Variants in CC2D1B observed in about 807,000 individuals in gnomAD.
CC2D1B encodes coiled-coil and C2 domain containing 1B.
A neutral mutation model predicts 110.8 loss-of-function variants in CC2D1B; 92 were observed. The ratio of observed to expected loss-of-function variants is 0.83; its 90% CI spans 0.70 to 0.99. The LOEUF is 0.99. Ranked by LOEUF, CC2D1B falls within the 50% of genes least tolerant of loss-of-function variation. CC2D1B has a pLI of 0.00. For synonymous variants in CC2D1B, 406 were observed against 429.2 expected (o/e 0.95, Z 0.67); for missense variants, 1,136 against 1,089.0 (o/e 1.04, Z -0.61).
Position 52,353,199 on chromosome 1 carries a change from C to G in CC2D1B, c.*26G>C. On this transcript the variant is annotated 3_prime_UTR_variant, in exon 25 of 25. Coordinates refer to ENST00000284376, the MANE Select transcript of CC2D1B (RefSeq NM_001330585.2). ...CATCTCCTGCACAGTCGCGGCCTGA[C>G]TCCTCTCCTGGTGCTGGCCATCGGC... 7.5e-7 allele frequency: 1 copy of G among 1,341,570 alleles called. No individual in the cohort carries two copies. Among genetic ancestry groups the G allele is most frequent in the Non-Finnish European group, 9.9e-7 (1 of 1,013,958 alleles). 83.1% of individuals were successfully genotyped at this position (1,341,570 alleles called of 1,614,324 possible).
In CC2D1B at chr1:52,352,516, G is replaced by A. The variant is rs7513934; in HGVS notation, c.*709C>T. The A allele has an allele frequency of 0.57, 87,494 of 152,462 alleles. 27,913 individuals carry two copies. Among genetic ancestry groups the A allele is most frequent in the African/African-American group, 0.85 (35,408 of 41,512 alleles). 9.4% of individuals were successfully genotyped at this position (152,462 alleles called of 1,614,324 possible). The stretch of plus-strand genomic sequence containing the variant: ...ACAATGAGTTAGACTTAGTTTCCTA[G>A]ATAAATAAACGTGTCTACATAAAAT... On this transcript the variant is annotated 3_prime_UTR_variant, in exon 25 of 25. Coordinates refer to ENST00000284376, the MANE Select transcript of CC2D1B (RefSeq NM_001330585.2).
At chr1:52,356,847 G>A (rs531537289) in intron 16 of CC2D1B, 154 bp downstream of exon 16, 1 of 832,904 alleles carries the variant, frequency 1.2e-6, no homozygotes, top group Admixed American at 3.0e-5. Context: ...GGAAAATGTA[G>A]TTCAGAGAAG....
chr1:52,351,038 T>A lies in CC2D1B; in HGVS notation c.*2187A>T, dbSNP rs1026221063. 6.6e-6 allele frequency: 1 copy of A among 152,238 alleles called. No homozygotes were observed. The highest frequency in any genetic ancestry group is 1.5e-5 in the Non-Finnish European group (1 of 68,060). The allele number at this position is 152,238 out of a possible 1,614,324, so 9.4% of individuals were successfully genotyped here. On this transcript the variant is annotated 3_prime_UTR_variant, in exon 25 of 25. Coordinates refer to ENST00000284376, the MANE Select transcript of CC2D1B (RefSeq NM_001330585.2). ...GTGGGATTACAGGCGTGAGCCACTG[T>A]GTCCCGCCTGTTTCCTGTATGTGGA...
chr1:52,356,927 G>T, intron 16 of CC2D1B, 74 bp downstream of exon 16: 1 of 1,484,346 alleles, frequency 6.7e-7, no homozygotes, highest in Non-Finnish European at 9.0e-7. Context: ...GGGCTGTGTG[G>T]TCTGAGCTCC....
chr1:52,355,319 G>T, intron 21 of CC2D1B, 79 bp downstream of exon 21: 1 of 1,465,652 alleles, frequency 6.8e-7, no homozygotes, highest in Non-Finnish European at 9.5e-7. Context: ...TAAGGGCATA[G>T]ATGGGAACCC....
chr1:52,357,206 C>T lies in CC2D1B; in HGVS notation c.1753-80G>A. On this transcript the variant is annotated intron_variant, in intron 15 of 24. Coordinates refer to ENST00000284376, the MANE Select transcript of CC2D1B (RefSeq NM_001330585.2). The stretch of plus-strand genomic sequence containing the variant: ...AGTCCAACAAAGGCAGGAGCCCAAA[C>T]TAAGTAATTCTTCAGCTTCTACTAA... The T allele has an allele frequency of 4.6e-6, 7 of 1,513,814 alleles. No individual in the cohort carries two copies. The South Asian group carries it at 7.1e-5, about 15-fold the overall frequency. The allele number at this position is 1,513,814 out of a possible 1,614,324, so 93.8% of individuals were successfully genotyped here. A position where few individuals can be genotyped will look rare whatever the true frequency, so the allele number is the denominator to read the frequency against.
At chr1:52,363,394 C>CA (rs60279244) in intron 2 of CC2D1B, among the ~76,000 whole-genome samples, 1,271 of 55,758 alleles carry the variant, frequency 0.023, 17 homozygotes, top group South Asian at 0.077. Context: ...GACTCCGTCT[C>CA]AAAAAAAAAA....
chr1:52,356,166 G>A lies in CC2D1B; in HGVS notation c.2054+20C>T. 1 of 1,539,808 alleles carries A rather than the reference G, an allele frequency of 6.5e-7. No homozygotes were observed. Among genetic ancestry groups the A allele is most frequent in the South Asian group, 1.1e-5 (1 of 89,964 alleles). ...CTGCCCCTCCCTGCCTGGAGCCCCT[G>A]TTTCCCTAGGCCTTGGTACCTCACA... is the stretch of plus-strand genomic sequence containing the variant. On this transcript the variant is annotated intron_variant, in intron 18 of 24. Coordinates refer to ENST00000284376, the MANE Select transcript of CC2D1B (RefSeq NM_001330585.2).
At chr1:52,360,625 C>T in intron 5 of CC2D1B, 76 bp from the exon 6 acceptor site, 23 of 1,548,976 alleles carry the variant, frequency 1.5e-5, no homozygotes, top group Non-Finnish European at 2.0e-5. Context: ...CGGAAGCTGC[C>T]CTAGAAGATG....
At chr1:52,356,716 A>T in intron 16 of CC2D1B, 1 of 600,516 alleles carries the variant, frequency 1.7e-6, no homozygotes, top group Non-Finnish European at 2.9e-6. Flanking sequence ...GCCTTTCCAG[A>T]ACAGGTGGCA....
rs1197701772 is a variant in CC2D1B at position 52,353,093 on chromosome 1, C to A, written c.*132G>T. On this transcript the variant is annotated 3_prime_UTR_variant, in exon 25 of 25. Coordinates refer to ENST00000284376, the MANE Select transcript of CC2D1B (RefSeq NM_001330585.2). ...GACCAGAGTCGTGGTCAGTAGTGCA[C>A]ATGCTTAACAGGTCTTTGGTGCTTG... 1 of 923,166 alleles carries A rather than the reference C, an allele frequency of 1.1e-6. No homozygotes were observed. Among genetic ancestry groups the A allele is most frequent in the Admixed American group, 2.4e-5 (1 of 42,518 alleles). 57.2% of individuals were successfully genotyped at this position (923,166 alleles called of 1,614,324 possible). A position where few individuals can be genotyped will look rare whatever the true frequency, so the allele number is the denominator to read the frequency against.
Position 52,358,374 on chromosome 1 carries a change from G to A in CC2D1B, c.1418C>T (p.Ala473Val), listed in dbSNP as rs560672859. 8 of 1,614,118 alleles carry A rather than the reference G, an allele frequency of 5.0e-6. No individual in the cohort carries two copies. In the South Asian group the frequency reaches 8.8e-5, roughly 18 times the overall value. The change falls in exon 13 of 25, where the codon GCC becomes GTC. Residue 473 changes from alanine to valine, a missense_variant. Transcript: ENST00000284376. ...AGCCGGGGCTGAATCCTCTGCAGAG[G>A]CCAGTTTCTCTGCAGCTGCCAATGT... ...AATLAAAEKL[A>V]SAEDSAPADK...
chr1:52,358,984 G>A, intron 11 of CC2D1B, 43 bp downstream of exon 11: 1 of 1,594,602 alleles, frequency 6.3e-7, no homozygotes, highest in South Asian at 1.1e-5. Context: ...CCCAGCCAGG[G>A]AAGAGGCCAG....
Position 52,357,130 on chromosome 1 carries a change from C to G in CC2D1B, c.1753-4G>C, listed in dbSNP as rs1181395608. The G allele has an allele frequency of 1.2e-6, 2 of 1,613,934 alleles. No individual in the cohort carries two copies. Among genetic ancestry groups the G allele is most frequent in the Non-Finnish European group, 1.7e-6 (2 of 1,179,930 alleles). ...CATCCGTCAAGGGCGAAGGCACCTACCCAGGTCACAAGGCCCCTCGGGCCC... is the reference window on the plus strand; with the variant it reads ...CATCCGTCAAGGGCGAAGGCACCTAGCCAGGTCACAAGGCCCCTCGGGCCC... On this transcript the variant is annotated splice_region_variant and splice_polypyrimidine_tract_variant and intron_variant, in intron 15 of 24. Transcript: ENST00000284376.
intron 16 of CC2D1B, 59 bp from the exon 17 acceptor site, chr1:52,356,501 A>T (rs1646655940): frequency 6.3e-7 from 1 of 1,585,584 alleles, no homozygotes; most frequent in African/African-American, 1.3e-5. Context: ...CTTGGTTGGC[A>T]TTCAAGGCTA....
intron 21 of CC2D1B, 49 bp downstream of exon 21, chr1:52,355,349 T>C: frequency 6.3e-7 from 1 of 1,589,064 alleles, no homozygotes; most frequent in South Asian, 1.1e-5. Flanking sequence ...ACACCAGTGC[T>C]GCCCACACAC....
At chr1:52,364,456 C>A (rs1468335028) in intron 2 of CC2D1B, 96 bp downstream of exon 2, 1 of 707,260 alleles carries the variant, frequency 1.4e-6, no homozygotes, top group Non-Finnish European at 2.3e-6. Context: ...AGTCTCTGAA[C>A]TAATGGGGGA....
Position 52,361,545 on chromosome 1 carries a change from C to G in CC2D1B, c.286G>C (p.Glu96Gln), listed in dbSNP as rs1646782735. ...TCTGCATCTTCCTCCAGCCCTTCCT[C>G]CTCCTCCTCCTCCTCCACATCCCGC... Reference protein sequence around the residue: ...CMRDVEEEEEEEGLEEDAELL... With the variant: ...CMRDVEEEEEQEGLEEDAELL... The change falls in exon 4 of 25, where the codon GAG becomes CAG. Residue 96 changes from glutamate (E) to glutamine (Q), a missense_variant. Physicochemically the swap from Glu to Gln is conservative, Grantham distance 29. Coordinates refer to ENST00000284376, the MANE Select transcript of CC2D1B (RefSeq NM_001330585.2). The G allele has an allele frequency of 5.0e-6, 8 of 1,588,050 alleles. No individual in the cohort carries two copies. Among genetic ancestry groups the G allele is most frequent in the Non-Finnish European group, 6.0e-6 (7 of 1,159,440 alleles).
chr1:52,360,438 C>A lies in CC2D1B; in HGVS notation c.589G>T (p.Glu197Ter). ...AGEAAKARRC[E>*]RGLKTLESQL... ...GCCCGACTCACCTTCAGGCCGCGCT[C>A]GCAGCGCCTGGCTTTGGCTGCTTCG... The change falls in exon 6 of 25, where the codon GAG (glutamate) becomes TAG (stop). Residue 197 changes from glutamate to a stop codon, truncating the protein, a stop_gained. Transcript: ENST00000284376. LOFTEE classifies it high-confidence loss of function. 1 of 1,613,694 alleles carries A rather than the reference C, an allele frequency of 6.2e-7. No homozygotes were observed. Among genetic ancestry groups the A allele is most frequent in the South Asian group, 1.1e-5 (1 of 90,992 alleles).
Sources: allele counts gnomAD v4.1 joint callset (sites outside exome capture counted in the v4.1 genomes callset), GRCh38; gene constraint gnomAD v4.1.1; transcripts MANE v1.5; gene names NCBI Gene and HGNC (gene_info 2026-07-23, HGNC 2026-07-21).